GARNL3: variants seen among roughly 807,000 people sequenced by gnomAD.
The protein encoded by GARNL3 is GTPase-activating Rap/Ran-GAP domain-like protein 3.
In GARNL3, 63 loss-of-function variants were observed where a neutral mutation model predicts 125.0. The observed-to-expected ratio is 0.50, with a 90% CI of 0.41 to 0.62. GARNL3 has a LOEUF of 0.62. Ranked by LOEUF, GARNL3 falls within the 20% of genes least tolerant of loss-of-function variation. The pLI is 0.00. For missense variants in GARNL3, 994 were observed against 1,244.0 expected (o/e 0.80, Z 3.02); for synonymous variants, 439 against 457.5 (o/e 0.96, Z 0.52).
At chr9:127,288,748 C>T (rs1564883784) in intron 1 of GARNL3, among the ~76,000 whole-genome samples, 1 of 152,120 alleles carries the variant, frequency 6.6e-6, no homozygotes, top group African/African-American at 2.4e-5. Context: ...AGCATTATTA[C>T]GTATGCCTGT....
At chr9:127,273,437 T>C (rs2063873044) in intron 1 of GARNL3, among the ~76,000 whole-genome samples, 1 of 152,260 alleles carries the variant, frequency 6.6e-6, no homozygotes, top group Non-Finnish European at 1.5e-5. Flanking sequence ...CTATTTTTCG[T>C]CCAAATCTTA....
intron 2 of GARNL3, among the ~76,000 whole-genome samples, chr9:127,255,258 A>T (rs1280020595): frequency 6.6e-6 from 1 of 152,198 alleles, no homozygotes; most frequent in Non-Finnish European, 1.5e-5. Flanking sequence ...CATCAATAGG[A>T]GAATGGAGGA....
At chr9:127,338,230 C>T (rs1829660857) in intron 12 of GARNL3, 69 bp downstream of exon 12, 1 of 1,211,104 alleles carries the variant, frequency 8.3e-7, no homozygotes, top group Admixed American at 1.7e-5. Flanking sequence ...TTGATTTTTA[C>T]AAGACTCTTG....
chr9:127,379,199 C>T (rs1461479650), intron 22 of GARNL3, among the ~76,000 whole-genome samples: 1 of 152,236 alleles, frequency 6.6e-6, no homozygotes, highest in African/African-American at 2.4e-5. Flanking sequence ...AGTAGCTTTA[C>T]TTGGCTCATT....
intron 1 of GARNL3, among the ~76,000 whole-genome samples, chr9:127,282,172 A>G (rs1036488201): frequency 2.6e-5 from 4 of 152,186 alleles, no homozygotes; most frequent in African/African-American, 9.7e-5. Context: ...TGTTGGATTT[A>G]TCTTTGTCCA....
chr9:127,340,461 G>A (rs1002296316), intron 13 of GARNL3, among the ~76,000 whole-genome samples: 14 of 151,998 alleles, frequency 9.2e-5, no homozygotes, highest in African/African-American at 2.9e-4. Context: ...CTAGCCGCAC[G>A]CCCTGGCAGG....
At chr9:127,351,383 T>C (rs531656734) in intron 17 of GARNL3, among the ~76,000 whole-genome samples, 1 of 152,294 alleles carries the variant, frequency 6.6e-6, no homozygotes, top group South Asian at 2.1e-4. Flanking sequence ...ATGGTGGGTG[T>C]AGCTGTTTAC....
At chr9:127,261,244 G>A (rs991082534), upstream of GARNL3, among the ~76,000 whole-genome samples, 1 of 151,528 alleles carries the variant, frequency 6.6e-6, no homozygotes, top group African/African-American at 2.4e-5. Flanking sequence ...CAACAAGAGC[G>A]AAACTCTGTC....
In GARNL3 at chr9:127,393,193, C is replaced by G. The variant is rs1415500204; in HGVS notation, c.2981C>G (p.Ser994Cys). The stretch of plus-strand genomic sequence containing the variant: ...GCAGACAGAGAGGGCAGCCCGGTCT[C>G]CGGCAGCAGCCCCTTCCAGCTCACG... Reference protein sequence around the residue: ...PVADREGSPVSGSSPFQLTAF... With the variant: ...PVADREGSPVCGSSPFQLTAF... Residue 994 changes from serine (S) to cysteine (C), a missense_variant, in exon 28 of 28, where the codon TCC becomes TGC. Physicochemically the swap from Ser to Cys is moderately radical, Grantham distance 112 (BLOSUM62 -1). Transcript: ENST00000373387. 1 of 1,613,646 alleles carries G rather than the reference C, an allele frequency of 6.2e-7. No homozygotes were observed. Among genetic ancestry groups the G allele is most frequent in the Non-Finnish European group, 8.5e-7 (1 of 1,179,632 alleles).
intron 7 of GARNL3, among the ~76,000 whole-genome samples, chr9:127,331,496 A>G (rs987964450): frequency 6.8e-6 from 1 of 148,090 alleles, no homozygotes; most frequent in Admixed American, 6.6e-5. Context: ...CTGTCTCAAA[A>G]AAAGAAAGAA....
chr9:127,286,144 G>A lies in GARNL3; in HGVS notation c.145-5024G>A, dbSNP rs147996091. Among the ~76,000 whole-genome samples the A allele has an allele frequency of 2.3e-3, 345 of 152,318 alleles. 3 individuals carry two copies. The highest frequency in any genetic ancestry group is 0.02 in the Middle Eastern group (6 of 294). Reference sequence around the variant, plus strand: ...CAGAGCTATATTTGCAAAGGTCAGAGCACACATGCAAACATGCAAAAGTCT... The same window carrying A: ...CAGAGCTATATTTGCAAAGGTCAGAACACACATGCAAACATGCAAAAGTCT... On this transcript the variant is annotated intron_variant, in intron 1 of 27. Transcript: ENST00000373387.
intron 1 of GARNL3, among the ~76,000 whole-genome samples, chr9:127,287,480 G>A (rs1318348338): frequency 6.6e-6 from 1 of 152,234 alleles, no homozygotes; most frequent in African/African-American, 2.4e-5. Flanking sequence ...TCTTCCTGAA[G>A]TGTTAGTTTT....
At chr9:127,355,618 TC>T in intron 20 of GARNL3, 146 bp downstream of exon 20, 1 of 745,226 alleles carries the variant, frequency 1.3e-6, no homozygotes, top group Non-Finnish European at 2.3e-6. Flanking sequence ...TGCCCTTGTT[TC>T]CCCCAGAAGA....
chr9:127,330,049 C>T (rs562480244), intron 7 of GARNL3, among the ~76,000 whole-genome samples: 8 of 152,288 alleles, frequency 5.3e-5, no homozygotes, highest in African/African-American at 4.8e-5. Flanking sequence ...AGCATCACCT[C>T]GGAACTTGTT....
intron 11 of GARNL3, 103 bp from the exon 12 acceptor site, chr9:127,338,013 A>G: frequency 1.2e-6 from 1 of 863,332 alleles, no homozygotes; most frequent in Non-Finnish European, 2.0e-6. Context: ...CCCTAAGCAC[A>G]GAAGCGCTGG....
At position 127,332,354 on chromosome 9, in the gene GARNL3, G is replaced by T. The variant is rs762443930; in HGVS notation, c.670+5G>T. Reference sequence around the variant, plus strand: ...ATGATGAGATGTTCAGCAATGGTGAGTGATCTCCTCCCGCTCTCTGCTGCC... The same window carrying T: ...ATGATGAGATGTTCAGCAATGGTGATTGATCTCCTCCCGCTCTCTGCTGCC... On this transcript the variant is annotated splice_donor_5th_base_variant and intron_variant, in intron 8 of 27. Coordinates refer to ENST00000373387, the MANE Select transcript of GARNL3 (RefSeq NM_032293.5). The T allele has an allele frequency of 6.2e-7, 1 of 1,612,102 alleles. No individual in the cohort carries two copies. Among genetic ancestry groups the T allele is most frequent in the South Asian group, 1.1e-5 (1 of 91,012 alleles).
At position 127,364,381 on chromosome 9, in the gene GARNL3, G is replaced by A. The variant is rs1248629943; in HGVS notation, c.2095-919G>A. 2 of 152,442 alleles carry A rather than the reference G, an allele frequency of 1.3e-5. No homozygotes were observed. Among genetic ancestry groups the A allele is most frequent in the African/African-American group, 4.8e-5 (2 of 41,466 alleles). The allele number at this position is 152,442 out of a possible 1,614,324, so 9.4% of individuals were successfully genotyped here. On this transcript the variant is annotated intron_variant, in intron 21 of 27. Transcript: ENST00000373387. This position sits in a 1 kb window ranked among gnomAD's most constrained non-coding sequence, Gnocchi z 4.2. ...TGCAGAGGGCAGGATGGATAGATGAGCAGAGGCCAAGGCCTTCGGTTGGGG... is the reference window on the plus strand; with the variant it reads ...TGCAGAGGGCAGGATGGATAGATGAACAGAGGCCAAGGCCTTCGGTTGGGG...
At chr9:127,287,058 T>A (rs10987590) in intron 1 of GARNL3, among the ~76,000 whole-genome samples, 75 of 152,146 alleles carry the variant, frequency 4.9e-4, no homozygotes, top group Non-Finnish European at 9.1e-4. Flanking sequence ...AAGAGGTACC[T>A]CCCCTCTCCT....
At chr9:127,335,201 C>G in intron 9 of GARNL3, 29 bp from the exon 10 acceptor site, 1 of 1,456,546 alleles carries the variant, frequency 6.9e-7, no homozygotes, top group Non-Finnish European at 9.6e-7. Flanking sequence ...ATTCTCTGTG[C>G]TCACTGAATG....
Sources: gnomAD v4.1 joint callset for allele counts (sites outside exome capture counted in the v4.1 genomes callset) on GRCh38, gnomAD v4.1.1 for gene constraint, Gnocchi (gnomAD v3.1) non-coding constraint, MANE v1.5 for transcripts, NCBI Gene and HGNC (gene_info 2026-07-23, HGNC 2026-07-21) for gene names.